POLR1C: variants seen among roughly 807,000 people sequenced by gnomAD.
POLR1C encodes the protein RNA polymerase I and III subunit C.
POLR1C carries 42 observed loss-of-function variants against 38.3 expected under a neutral mutation model. That is an observed-to-expected ratio of 1.10 (90% CI 0.86 to 1.42). The LOEUF is 1.42. Ranked by LOEUF, POLR1C falls within the 40% of genes most tolerant of loss-of-function variation. POLR1C has a pLI of 0.00. For synonymous variants in POLR1C, 163 were observed against 163.9 expected, an observed-to-expected ratio of 0.99 and a Z score of 0.04; for missense variants, 507 against 450.5, an observed-to-expected ratio of 1.13 and a Z score of -1.14.
At chr6:43,538,772 T>TC in intron 9 of POLR1C, 1 of 347,850 alleles carries the variant, frequency 2.9e-6, no homozygotes, top group Non-Finnish European at 4.8e-6. Flanking sequence ...TACATTTTTC[T>TC]TTTTTTTTTT....
intron 10 of POLR1C, chr6:43,553,620 A>C: frequency 6.9e-7 from 1 of 1,442,364 alleles, no homozygotes; most frequent in Non-Finnish European, 9.1e-7. Context: ...TGAGAATTTC[A>C]TGATTGAAGG....
At chr6:43,555,865 G>A (rs575516907) in intron 10 of POLR1C, 2 of 1,613,912 alleles carry the variant, frequency 1.2e-6, no homozygotes, top group Admixed American at 3.3e-5. Context: ...AAGAAAAGTT[G>A]ATAGTTGATA....
intron 8 of POLR1C, chr6:43,529,066 C>T: frequency 9.1e-7 from 1 of 1,103,488 alleles, no homozygotes; most frequent in South Asian, 1.5e-5. Context: ...GTGAAAAAAT[C>T]TTAAAGTTCT....
intron 7 of POLR1C, 27 bp from the exon 8 acceptor site, chr6:43,520,905 T>TA (rs1171110573): frequency 6.2e-6 from 10 of 1,610,152 alleles, no homozygotes; most frequent in Non-Finnish European, 7.6e-6. Flanking sequence ...GAAAAAGGAA[T>TA]AAAAAAACAT....
At position 43,520,418 on chromosome 6, in the gene POLR1C, A is replaced by G. The variant is rs779223906; in HGVS notation, c.646A>G (p.Lys216Glu). 3.7e-6 allele frequency: 6 copies of G among 1,613,434 alleles called. No homozygotes were observed. The highest frequency in any genetic ancestry group is 4.2e-6 in the Non-Finnish European group (5 of 1,180,018). The change falls in exon 6 of 9, where the codon AAG (lysine) becomes GAG (glutamate). Residue 216 changes from lysine to glutamate, a missense_variant. Transcript: ENST00000642195. ...QEIDLLMHCVKGIGKDHAKFS... is the reference protein window; with the variant it reads ...QEIDLLMHCVEGIGKDHAKFS... ...AATTGACCTGCTCATGCACTGTGTC[A>G]AGGGCATTGGTGAGAACCCTGTGTG...
At chr6:43,528,340 C>A (rs1268963102) in intron 8 of POLR1C, 1 of 802,984 alleles carries the variant, frequency 1.2e-6, no homozygotes, top group Non-Finnish European at 2.0e-6. Context: ...TCTGTAGACT[C>A]CACACCACAA....
At chr6:43,557,454 ATGT>A (rs778404843) in intron 10 of POLR1C, among the ~76,000 whole-genome samples, 17 of 152,156 alleles carry the variant, frequency 1.1e-4, no homozygotes, top group African/African-American at 1.9e-4. Context: ...GTACTGATAA[ATGT>A]TGTAACTTGG....
At position 43,521,496 on chromosome 6, in the gene POLR1C, C is replaced by A; in HGVS notation, c.*196C>A. 2 of 1,362,868 alleles carry A rather than the reference C, an allele frequency of 1.5e-6. No homozygotes were observed. The highest frequency in any genetic ancestry group is 9.5e-7 in the Non-Finnish European group (1 of 1,055,046). The allele number at this position is 1,362,868 out of a possible 1,614,324, so 84.4% of individuals were successfully genotyped here. On this transcript the variant is annotated 3_prime_UTR_variant, in exon 9 of 9. Coordinates refer to ENST00000642195, the MANE Select transcript of POLR1C (RefSeq NM_203290.4). ...TTATAAGGCCTTAGATGTAAATAAA[C>A]TCACCCAAACAAAAAAACTTTTTGA...
chr6:43,559,671 A>C (rs1221797911), intron 10 of POLR1C, among the ~76,000 whole-genome samples: 2 of 152,230 alleles, frequency 1.3e-5, no homozygotes, highest in South Asian at 4.1e-4. Context: ...CACCTAGCCC[A>C]ATACTTATGA....
intron 10 of POLR1C, chr6:43,560,338 T>G: frequency 6.4e-7 from 1 of 1,564,440 alleles, no homozygotes; most frequent in Non-Finnish European, 8.6e-7. Flanking sequence ...GTCAAAGGAT[T>G]TGGATTCTAT....
chr6:43,521,340 G>C lies in POLR1C; in HGVS notation c.*40G>C. Reference sequence around the variant, plus strand: ...GAGGCAAGCTGAAGCTTTGGGTTCTGACTGACCCACCCTACAGGACTGCTG... The same window carrying C: ...GAGGCAAGCTGAAGCTTTGGGTTCTCACTGACCCACCCTACAGGACTGCTG... On this transcript the variant is annotated 3_prime_UTR_variant, in exon 9 of 9. Transcript: ENST00000642195. 6.2e-7 allele frequency: 1 copy of C among 1,611,500 alleles called. No homozygotes were observed. Among genetic ancestry groups the C allele is most frequent in the Non-Finnish European group, 8.5e-7 (1 of 1,179,774 alleles).
chr6:43,561,071 G>A, intron 10 of POLR1C: 2 of 1,332,436 alleles, frequency 1.5e-6, no homozygotes, highest in South Asian at 1.2e-5. Flanking sequence ...AAAAAGCAGG[G>A]AAGTAATAAA....
At chr6:43,529,003 C>A in intron 8 of POLR1C, 1 of 1,328,028 alleles carries the variant, frequency 7.5e-7, no homozygotes. Context: ...CACCCCTGGG[C>A]AGAATCAATC....
downstream of POLR1C, chr6:43,525,312 TC>T (rs369499320): frequency 7.0e-5 from 73 of 1,038,650 alleles, 1 homozygote; most frequent in African/African-American, 8.8e-4. Flanking sequence ...TTTTTTTTCC[TC>T]CCCCCCTCTA....
intron 9 of POLR1C, among the ~76,000 whole-genome samples, chr6:43,536,757 C>CT (rs757097319): frequency 1.0e-4 from 4 of 38,952 alleles, no homozygotes; most frequent in African/African-American, 3.9e-4. Flanking sequence ...GAGACTCTAT[C>CT]TAAAAAAAAA....
chr6:43,546,282 T>C (rs774524090), intron 9 of POLR1C, among the ~76,000 whole-genome samples: 3 of 151,194 alleles, frequency 2.0e-5, no homozygotes, highest in Non-Finnish European at 2.9e-5. Context: ...AACTTACAAG[T>C]AAAAATAGGG....
At chr6:43,543,809 T>TGGGATTAC (rs1270156784) in intron 9 of POLR1C, among the ~76,000 whole-genome samples, 1 of 152,036 alleles carries the variant, frequency 6.6e-6, no homozygotes, top group African/African-American at 2.4e-5. Flanking sequence ...CCCGAGTAGC[T>TGGGATTAC]GGGATTACAG....
At chr6:43,524,666 G>A (rs760108828), downstream of POLR1C, 7 of 1,606,980 alleles carry the variant, frequency 4.4e-6, no homozygotes, top group South Asian at 6.6e-5. Context: ...CTTACTGGAT[G>A]TAGGTTTGGA....
At chr6:43,552,533 A>G (rs1010606707) in intron 10 of POLR1C, among the ~76,000 whole-genome samples, 4 of 152,016 alleles carry the variant, frequency 2.6e-5, no homozygotes, top group Non-Finnish European at 5.9e-5. Context: ...TTGTGTTTTT[A>G]GTAGAGACAA....
Sources: allele counts gnomAD v4.1 joint callset (sites outside exome capture counted in the v4.1 genomes callset), GRCh38; gene constraint gnomAD v4.1.1; transcripts MANE v1.5; gene names NCBI Gene and HGNC (gene_info 2026-07-23, HGNC 2026-07-21).